The following PIGL variants were observed in gnomAD, a reference collection of about 807,000 sequenced individuals.
The protein encoded by PIGL is phosphatidylinositol glycan anchor biosynthesis class L, also known as N-acetylglucosaminyl-phosphatidylinositol de-N-acetylase.
A neutral mutation model predicts 31.1 loss-of-function variants in PIGL; 22 were observed. The ratio of observed to expected loss-of-function variants is 0.71; its 90% CI spans 0.51 to 1.01. The LOEUF (loss-of-function observed/expected upper bound fraction) is 1.01, where lower values mean the gene tolerates loss of function less well. Among genes scored for constraint, PIGL ranks in the 50% least tolerant of loss-of-function variants. The pLI, the probability that PIGL is intolerant of heterozygous loss-of-function variation, is 0.00. For synonymous variants in PIGL, 131 were observed against 117.4 expected (o/e 1.12, Z -0.75); for missense variants, 302 against 315.9 (o/e 0.96, Z 0.33).
intron 2 of PIGL, among the ~76,000 whole-genome samples, chr17:16,239,872 G>T (rs2092715485): frequency 6.6e-6 from 1 of 151,886 alleles, no homozygotes; most frequent in African/African-American, 2.4e-5. Context: ...CTGCAGCCTT[G>T]AACTCCTGAG....
chr17:16,282,777 A>G (rs1212647619), intron 2 of PIGL, among the ~76,000 whole-genome samples: 1 of 152,166 alleles, frequency 6.6e-6, no homozygotes, highest in Non-Finnish European at 1.5e-5. Context: ...TGATGTTGGC[A>G]CCTCTCAAGA....
chr17:16,217,695 A>G (rs570782142), intron 1 of PIGL: 2 of 537,516 alleles, frequency 3.7e-6, no homozygotes, highest in South Asian at 5.0e-5. Context: ...GCAGAGAAAC[A>G]GTTGCAGTTG....
intron 1 of PIGL, among the ~76,000 whole-genome samples, chr17:16,229,141 G>A (rs1212593041): frequency 6.6e-6 from 1 of 152,002 alleles, no homozygotes; most frequent in Non-Finnish European, 1.5e-5. Flanking sequence ...GCCAGTCTGG[G>A]TGGCGAGTGC....
intron 1 of PIGL, among the ~76,000 whole-genome samples, chr17:16,225,328 C>T (rs1201300744): frequency 5.4e-5 from 8 of 149,414 alleles, no homozygotes; most frequent in Non-Finnish European, 7.4e-5. Context: ...GTAATTCATT[C>T]GGGGTGACTC....
intron 6 of PIGL, among the ~76,000 whole-genome samples, chr17:16,320,381 GAAGA>G (rs745600453): frequency 7.0e-4 from 91 of 130,544 alleles, no homozygotes; most frequent in African/African-American, 2.2e-3. Flanking sequence ...AGGAAAGAAG[GAAGA>G]AAGAAAGAGA....
intron 2 of PIGL, among the ~76,000 whole-genome samples, chr17:16,276,652 A>G (rs1226077206): frequency 6.6e-6 from 1 of 152,164 alleles, no homozygotes; most frequent in Non-Finnish European, 1.5e-5. Flanking sequence ...CAGGAGAATC[A>G]CTTGAACCTG....
chr17:16,262,605 G>A (rs2092823840), intron 2 of PIGL, among the ~76,000 whole-genome samples: 1 of 151,896 alleles, frequency 6.6e-6, no homozygotes, highest in Non-Finnish European at 1.5e-5. Context: ...GATTATTTGA[G>A]GCTAGTTCAA....
intron 5 of PIGL, 178 bp from the exon 6 acceptor site, chr17:16,317,597 C>T (rs1015086038): frequency 1.4e-5 from 20 of 1,408,900 alleles, no homozygotes; most frequent in Middle Eastern, 2.7e-4. Flanking sequence ...CCCTTTTACT[C>T]GTTCTAGCTG....
At chr17:16,291,704 A>G (rs1386991513) in intron 2 of PIGL, among the ~76,000 whole-genome samples, 1 of 151,756 alleles carries the variant, frequency 6.6e-6, no homozygotes, top group East Asian at 1.9e-4. Flanking sequence ...CTTCTCTACG[A>G]AAGTACAAAA....
rs373995435 is a variant in PIGL at position 16,316,778 on chromosome 17, A to G, written c.526+66A>G. On this transcript the variant is annotated intron_variant, in intron 5 of 6. Coordinates refer to ENST00000225609, the MANE Select transcript of PIGL (RefSeq NM_004278.4). ...CCCTCTGAGAAACTTATGAGGGGGA[A>G]ATTTGCAAATCCACAGAGAGCTGCC... 831 of 1,596,330 alleles carry G rather than the reference A, an allele frequency of 5.2e-4. 2 individuals carry two copies. Among genetic ancestry groups the G allele is most frequent in the Non-Finnish European group, 3.3e-4 (386 of 1,165,798 alleles).
intron 2 of PIGL, among the ~76,000 whole-genome samples, chr17:16,294,747 ACTAGGAGGTAG>A (rs1220773840): frequency 6.6e-6 from 1 of 152,190 alleles, no homozygotes; most frequent in Non-Finnish European, 1.5e-5. Context: ...ATGATGGATG[ACTAGGAGGTAG>A]CAGAGGGAAG....
rs2093125493 is a variant in PIGL, at chr17:16,325,872, A to C, written c.733A>C (p.Arg245=). The stretch of plus-strand genomic sequence containing the variant: ...CTACATTATCTTCTCCCGGTACATG[A>C]GAATCAACTCACTGAGCTTCCTCTG... ...RLYIIFSRYM[R]INSLSFL is the part of the protein sequence containing the mutation. The change falls in exon 7 of 7, where the codon AGA becomes CGA. Residue 245 remains arginine (R), a synonymous_variant. Coordinates refer to ENST00000225609, the MANE Select transcript of PIGL (RefSeq NM_004278.4). 1.2e-6 allele frequency: 2 copies of C among 1,613,736 alleles called. No homozygotes were observed. Among genetic ancestry groups the C allele is most frequent in the Non-Finnish European group, 1.7e-6 (2 of 1,179,658 alleles).
intron 2 of PIGL, among the ~76,000 whole-genome samples, chr17:16,264,559 T>A (rs1316657007): frequency 6.6e-6 from 1 of 152,008 alleles, no homozygotes; most frequent in East Asian, 1.9e-4. Context: ...GTGTATGCCA[T>A]GTAACCTTTA....
At chr17:16,236,004 G>A (rs1458098807) in intron 2 of PIGL, among the ~76,000 whole-genome samples, 1 of 151,946 alleles carries the variant, frequency 6.6e-6, no homozygotes, top group African/African-American at 2.4e-5. Context: ...CCTAGAAGTT[G>A]CAAAATGCTT....
chr17:16,217,630 C>CACGTAATCA, intron 1 of PIGL, 169 bp downstream of exon 1: 1 of 540,672 alleles, frequency 1.8e-6, no homozygotes, highest in Admixed American at 3.5e-5. Context: ...GGCCGGCTTA[C>CACGTAATCA]CTGGTGGGTT....
At chr17:16,295,941 CA>C (rs1321993114) in intron 2 of PIGL, among the ~76,000 whole-genome samples, 1 of 151,448 alleles carries the variant, frequency 6.6e-6, no homozygotes, top group Non-Finnish European at 1.5e-5. Context: ...AACACCATCT[CA>C]AAAATAAATA....
intron 2 of PIGL, among the ~76,000 whole-genome samples, chr17:16,273,667 G>C (rs918113616): frequency 1.3e-5 from 2 of 152,030 alleles, no homozygotes; most frequent in Non-Finnish European, 2.9e-5. Context: ...GCTATTCTAA[G>C]GCTTGATGAC....
intron 2 of PIGL, among the ~76,000 whole-genome samples, chr17:16,280,886 G>T (rs1006895195): frequency 2.0e-5 from 3 of 152,068 alleles, no homozygotes; most frequent in African/African-American, 7.2e-5. Flanking sequence ...TGTAGTTTTA[G>T]TAGAGATGGG....
chr17:16,325,349 AAAAAAAAG>A (rs1318042901), intron 6 of PIGL, among the ~76,000 whole-genome samples: 31 of 151,794 alleles, frequency 2.0e-4, no homozygotes, highest in Middle Eastern at 3.4e-3. Flanking sequence ...AAAAAAAAAA[AAAAAAAAG>A]AATGTGGACT....
Sources: allele counts gnomAD v4.1 joint callset (sites outside exome capture counted in the v4.1 genomes callset), GRCh38; gene constraint gnomAD v4.1.1; transcripts MANE v1.5; gene names NCBI Gene and HGNC (gene_info 2026-07-23, HGNC 2026-07-21).